The following HMGB1 variants were observed in gnomAD, a reference collection of about 807,000 sequenced individuals.
The protein encoded by HMGB1 is high mobility group protein B1.
For missense variants in HMGB1, 79 were observed against 253.5 expected, an observed-to-expected ratio of 0.31 and a Z score of 4.67; for synonymous variants, 81 against 84.0, an observed-to-expected ratio of 0.96 and a Z score of 0.19.
At chr13:30,591,120 T>A (rs893839468) in intron 1 of HMGB1, among the ~76,000 whole-genome samples, 3 of 134,610 alleles carry the variant, frequency 2.2e-5, no homozygotes, top group Non-Finnish European at 4.6e-5. Flanking sequence ...AACCTCCACC[T>A]CCAGGGTTCA....
intron 1 of HMGB1, among the ~76,000 whole-genome samples, chr13:30,465,565 G>GCGGGGCT (rs1386534821): frequency 1.3e-5 from 2 of 150,684 alleles, no homozygotes; most frequent in African/African-American, 2.4e-5. Flanking sequence ...CTCGCGGGGC[G>GCGGGGCT]CGGGGCTCCC....
chr13:30,609,008 T>C (rs1950487138), intron 1 of HMGB1, among the ~76,000 whole-genome samples: 1 of 139,564 alleles, frequency 7.2e-6, no homozygotes, highest in African/African-American at 2.5e-5. Context: ...ACGCCTGTAA[T>C]CCCAGCACTT....
intron 1 of HMGB1, among the ~76,000 whole-genome samples, chr13:30,546,218 C>G (rs1593303481): frequency 6.6e-6 from 1 of 152,144 alleles, no homozygotes; most frequent in Non-Finnish European, 1.5e-5. Context: ...CGGGTTCAAG[C>G]AATTCCCCTG....
intron 1 of HMGB1, among the ~76,000 whole-genome samples, chr13:30,549,961 C>T (rs1423951469): frequency 6.6e-6 from 1 of 152,148 alleles, no homozygotes; most frequent in African/African-American, 2.4e-5. Flanking sequence ...AAGTAATCCG[C>T]CTGCCTCAGC....
intron 1 of HMGB1, among the ~76,000 whole-genome samples, chr13:30,475,132 CTCTCTCTTTTTTTTTTTTTT>C (rs1370674844): frequency 8.4e-5 from 4 of 47,688 alleles, no homozygotes; most frequent in Non-Finnish European, 4.0e-5. Flanking sequence ...CTCTCTCTCT[CTCTCTCTTTTTTTTTTTTTT>C]TTTTTTTGAG....
intron 1 of HMGB1, among the ~76,000 whole-genome samples, chr13:30,475,174 C>T (rs1310406819): frequency 8.1e-6 from 1 of 124,032 alleles, no homozygotes; most frequent in South Asian, 2.8e-4. Flanking sequence ...CAGGGTCTCG[C>T]CTAGGCTGGA....
intron 1 of HMGB1, among the ~76,000 whole-genome samples, chr13:30,576,134 A>G (rs1405569012): frequency 3.3e-5 from 5 of 152,288 alleles, no homozygotes; most frequent in Admixed American, 2.6e-4. Context: ...ATACAAATAA[A>G]ATTTGAATGC....
At chr13:30,491,032 C>CT (rs936351783) in intron 1 of HMGB1, among the ~76,000 whole-genome samples, 243 of 145,966 alleles carry the variant, frequency 1.7e-3, no homozygotes, top group African/African-American at 3.6e-3. Context: ...CACAAAAATA[C>CT]TTTTTTTTTT....
chr13:30,477,937 A>T (rs751728526), intron 1 of HMGB1, among the ~76,000 whole-genome samples: 10 of 152,210 alleles, frequency 6.6e-5, no homozygotes, highest in African/African-American at 1.2e-4. Context: ...TTAAAGAAAA[A>T]AAAAATCAAC....
upstream of HMGB1, among the ~76,000 whole-genome samples, chr13:30,469,466 G>GT (rs1272125983): frequency 4.9e-4 from 59 of 119,452 alleles, 6 homozygotes; most frequent in Admixed American, 6.8e-4. Flanking sequence ...TGTATTTTTT[G>GT]TTTTTTTTTT....
chr13:30,513,733 A>G (rs1008556946), intron 1 of HMGB1, among the ~76,000 whole-genome samples: 4 of 152,200 alleles, frequency 2.6e-5, no homozygotes, highest in Middle Eastern at 3.4e-3. Flanking sequence ...TCTCATGATA[A>G]CCCATTAATC....
intron 1 of HMGB1, among the ~76,000 whole-genome samples, chr13:30,585,103 T>C (rs1398928250): frequency 6.6e-6 from 1 of 151,592 alleles, no homozygotes; most frequent in Non-Finnish European, 1.5e-5. Flanking sequence ...TGAGCCGTGA[T>C]TGTGTCACTG....
chr13:30,503,483 T>C (rs2137454878), intron 1 of HMGB1, among the ~76,000 whole-genome samples: 1 of 152,118 alleles, frequency 6.6e-6, no homozygotes, highest in Non-Finnish European at 1.5e-5. Flanking sequence ...TATTAAATAA[T>C]AAATCGTTAT....
At chr13:30,531,294 G>A (rs920309511) in intron 1 of HMGB1, among the ~76,000 whole-genome samples, 1 of 152,118 alleles carries the variant, frequency 6.6e-6, no homozygotes, top group Non-Finnish European at 1.5e-5. Flanking sequence ...CGAGCCTGCT[G>A]ATTAAAGCTA....
At chr13:30,531,440 C>A (rs1204700685) in intron 1 of HMGB1, among the ~76,000 whole-genome samples, 1 of 152,016 alleles carries the variant, frequency 6.6e-6, no homozygotes, top group Admixed American at 6.6e-5. Context: ...ATGTAGCGCA[C>A]CCACGCTGGA....
At chr13:30,486,838 CT>C (rs1887375632) in intron 1 of HMGB1, among the ~76,000 whole-genome samples, 1 of 152,086 alleles carries the variant, frequency 6.6e-6, no homozygotes, top group South Asian at 2.1e-4. Flanking sequence ...TTACAAATGC[CT>C]AAACAACATG....
At chr13:30,472,878 GA>G (rs1886979476) in intron 1 of HMGB1, among the ~76,000 whole-genome samples, 1 of 147,586 alleles carries the variant, frequency 6.8e-6, no homozygotes, top group Non-Finnish European at 1.5e-5. Flanking sequence ...TTAGGGCAGT[GA>G]AAATAAAGGA....
At chr13:30,574,343 T>C (rs1257287697) in intron 1 of HMGB1, among the ~76,000 whole-genome samples, 1 of 152,258 alleles carries the variant, frequency 6.6e-6, no homozygotes, top group Non-Finnish European at 1.5e-5. Flanking sequence ...TTGCATCCAC[T>C]GTTGCCCAAT....
Position 30,460,558 on chromosome 13 carries a change from T to C in HMGB1, c.*799A>G, listed in dbSNP as rs1886257533. The C allele has an allele frequency of 6.6e-6, 1 of 152,454 alleles. No homozygotes were observed. Among genetic ancestry groups the C allele is most frequent in the African/African-American group, 2.4e-5 (1 of 41,380 alleles). The allele number at this position is 152,454 out of a possible 1,614,324, so 9.4% of individuals were successfully genotyped here. A position where few individuals can be genotyped will look rare whatever the true frequency, so the allele number is the denominator to read the frequency against. On this transcript the variant is annotated 3_prime_UTR_variant, in exon 5 of 5. Coordinates refer to ENST00000341423, the MANE Select transcript of HMGB1 (RefSeq NM_002128.7). The stretch of plus-strand genomic sequence containing the variant: ...TCATGTAAAGGTTAGAACATACTTT[T>C]CTATTAGTCCTTCAAGGACAGACTT...
Sources: gnomAD v4.1 joint callset for allele counts (sites outside exome capture counted in the v4.1 genomes callset) on GRCh38, gnomAD v4.1.1 for gene constraint, MANE v1.5 for transcripts, NCBI Gene and HGNC (gene_info 2026-07-23, HGNC 2026-07-21) for gene names.